TMEM272: variants seen among roughly 807,000 people sequenced by gnomAD.
TMEM272 encodes the protein long intergenic non-protein coding RNA 282.
TMEM272 carries 8 observed loss-of-function variants against 3.7 expected under a neutral mutation model. The observed-to-expected ratio is 2.17, with a 90% CI of 1.27 to 3.91. The LOEUF is 3.91. Among genes scored for constraint, TMEM272 ranks in the 30% most tolerant of loss-of-function variants. TMEM272 has a pLI of 0.00. For missense variants in TMEM272, 166 were observed against 91.5 expected (o/e 1.81, Z -3.32); for synonymous variants, 63 against 39.8 (o/e 1.58, Z -2.20).
At chr13:51,869,429 C>T in the TMEM272 span, among the ~76,000 whole-genome samples, 19 of 151,962 alleles carry the variant, frequency 1.3e-4, no homozygotes, top group Non-Finnish European at 2.1e-4. Flanking sequence ...AATTAAAACT[C>T]GAGTAGACAC....
At chr13:51,865,431 G>A in the TMEM272 span, 1 of 1,612,794 alleles carries the variant, frequency 6.2e-7, no homozygotes, top group East Asian at 2.2e-5. Context: ...TTCAAGGTGA[G>A]CAGATGGATG....
At chr13:51,853,400 A>T in the TMEM272 span, among the ~76,000 whole-genome samples, 8 of 151,562 alleles carry the variant, frequency 5.3e-5, no homozygotes, top group African/African-American at 1.7e-4. Flanking sequence ...ACATAGCGAG[A>T]CTCCATCTCT....
chr13:51,865,636 TTGGGAAGAGGAGAGACCTTTC>T, the TMEM272 span: 10 of 1,613,892 alleles, frequency 6.2e-6, no homozygotes, highest in Non-Finnish European at 8.5e-6. Flanking sequence ...TCCTGGGTTT[TTGGGAAGAGGAGAGACCTTTC>T]TGGGAAGAGG....
chr13:51,835,984 T>C (rs7318017), intron 2 of TMEM272, among the ~76,000 whole-genome samples: 53,189 of 152,040 alleles, frequency 0.35, 10,557 homozygotes, highest in African/African-American at 0.55. Flanking sequence ...TAATAAAGCC[T>C]TTGGGTCCAG....
chr13:51,925,395 A>G, the TMEM272 span, among the ~76,000 whole-genome samples: 1 of 152,230 alleles, frequency 6.6e-6, no homozygotes, highest in Non-Finnish European at 1.5e-5. Flanking sequence ...ATAGAAATTG[A>G]AACAAACAAG....
the TMEM272 span, among the ~76,000 whole-genome samples, chr13:51,869,824 T>C: frequency 6.6e-6 from 1 of 152,176 alleles, no homozygotes; most frequent in Non-Finnish European, 1.5e-5. Context: ...TCCCATGTAA[T>C]AAAGCTCTGG....
the TMEM272 span, among the ~76,000 whole-genome samples, chr13:51,894,260 C>T: frequency 6.6e-6 from 1 of 152,192 alleles, no homozygotes; most frequent in Admixed American, 6.5e-5. Flanking sequence ...AAAGCAAAGG[C>T]ATGAGTGCTC....
the TMEM272 span, chr13:51,865,450 C>G: frequency 6.2e-7 from 1 of 1,614,086 alleles, no homozygotes. Flanking sequence ...TGGGGCTTGC[C>G]TGCTTCCGGT....
At chr13:51,851,680 A>G in the TMEM272 span, among the ~76,000 whole-genome samples, 5 of 152,006 alleles carry the variant, frequency 3.3e-5, no homozygotes, top group Admixed American at 3.3e-4. Context: ...GCACGCCACC[A>G]TGTCCAACTA....
the TMEM272 span, among the ~76,000 whole-genome samples, chr13:51,875,557 T>C: frequency 6.6e-6 from 1 of 152,196 alleles, no homozygotes; most frequent in Non-Finnish European, 1.5e-5. Context: ...GATATTCTGA[T>C]GACAGTTCCT....
At chr13:51,851,568 A>G in the TMEM272 span, among the ~76,000 whole-genome samples, 1 of 121,310 alleles carries the variant, frequency 8.2e-6, no homozygotes, top group South Asian at 2.6e-4. Flanking sequence ...TCTGTTACCC[A>G]GGCTAGAGTG....
At chr13:51,865,329 C>G in the TMEM272 span, 2 of 1,477,184 alleles carry the variant, frequency 1.4e-6, no homozygotes, top group South Asian at 2.7e-5. Flanking sequence ...GCTGCCCCCA[C>G]AGGGTCTGAC....
the TMEM272 span, chr13:51,908,736 G>A: frequency 6.8e-7 from 1 of 1,470,258 alleles, no homozygotes; most frequent in Non-Finnish European, 9.5e-7. Context: ...AGAGCGTCTA[G>A]CAGAATTAGA....
the TMEM272 span, among the ~76,000 whole-genome samples, chr13:51,914,677 T>C: frequency 2.6e-5 from 4 of 152,212 alleles, no homozygotes; most frequent in African/African-American, 7.2e-5. Context: ...GAGCTGGCCA[T>C]AGAGTGCATT....
chr13:51,861,616 T>G, the TMEM272 span, among the ~76,000 whole-genome samples: 1 of 152,088 alleles, frequency 6.6e-6, no homozygotes, highest in East Asian at 1.9e-4. Context: ...GGGGACACAC[T>G]CACGCTACTA....
At chr13:51,863,954 C>G in the TMEM272 span, among the ~76,000 whole-genome samples, 1 of 152,280 alleles carries the variant, frequency 6.6e-6, no homozygotes, top group African/African-American at 2.4e-5. Flanking sequence ...TAACCACCTT[C>G]CTATGTCCAG....
the TMEM272 span, among the ~76,000 whole-genome samples, chr13:51,863,708 C>CAA: frequency 2.4e-3 from 342 of 141,134 alleles, no homozygotes; most frequent in African/African-American, 8.5e-3. Context: ...CACACACACA[C>CAA]ACCAGCTATG....
the TMEM272 span, among the ~76,000 whole-genome samples, chr13:51,863,432 T>TA: frequency 4.6e-5 from 7 of 152,100 alleles, no homozygotes; most frequent in Non-Finnish European, 2.9e-5. Context: ...GCGAGACTGT[T>TA]ACAGGCATCC....
the TMEM272 span, among the ~76,000 whole-genome samples, chr13:51,889,802 C>T: frequency 2.6e-5 from 4 of 152,172 alleles, no homozygotes; most frequent in East Asian, 3.9e-4. Flanking sequence ...CCACCACGCC[C>T]GACTAATTTT....
Sources: allele counts gnomAD v4.1 joint callset (sites outside exome capture counted in the v4.1 genomes callset), GRCh38; gene constraint gnomAD v4.1.1; transcripts MANE v1.5; gene names NCBI Gene and HGNC (gene_info 2026-07-23, HGNC 2026-07-21).